Variants in GALNT10 observed in about 807,000 individuals in gnomAD.
GALNT10 encodes the protein polypeptide N-acetylgalactosaminyltransferase 10, also known as GalNAc transferase 10.
In GALNT10, 41 loss-of-function variants were observed where a neutral mutation model predicts 75.0. The observed-to-expected ratio is 0.55, with a 90% CI of 0.43 to 0.71. The LOEUF (loss-of-function observed/expected upper bound fraction) is 0.71, where lower values mean the gene tolerates loss of function less well. GALNT10 is among the 30% of genes least tolerant of loss of function. The pLI, the probability that GALNT10 is intolerant of heterozygous loss-of-function variation, is 0.00. For synonymous variants in GALNT10, 302 were observed against 313.0 expected, an observed-to-expected ratio of 0.96 and a Z score of 0.37; for missense variants, 727 against 818.5, an observed-to-expected ratio of 0.89 and a Z score of 1.36.
At chr5:154,214,669 C>T (rs1261501081) in intron 1 of GALNT10, among the ~76,000 whole-genome samples, 3 of 152,284 alleles carry the variant, frequency 2.0e-5, no homozygotes, top group East Asian at 1.9e-4. Flanking sequence ...TTCCCTGAAT[C>T]ATCTTGTGGT....
intron 1 of GALNT10, among the ~76,000 whole-genome samples, chr5:154,196,458 G>C (rs1774940586): frequency 2.0e-5 from 3 of 152,170 alleles, no homozygotes; most frequent in Admixed American, 2.0e-4. Flanking sequence ...TGTGACTGTA[G>C]TTGGCTTCAG....
At chr5:154,287,700 TA>T (rs1422788884) in intron 1 of GALNT10, among the ~76,000 whole-genome samples, 3 of 152,228 alleles carry the variant, frequency 2.0e-5, no homozygotes, top group Non-Finnish European at 4.4e-5. Context: ...TCTTTGGCCA[TA>T]GTAGGCCCTC....
At chr5:154,243,610 A>C (rs2113669509) in intron 1 of GALNT10, among the ~76,000 whole-genome samples, 1 of 152,368 alleles carries the variant, frequency 6.6e-6, no homozygotes, top group East Asian at 1.9e-4. Flanking sequence ...TCTCATCTAT[A>C]AAAGAGAAGC....
At chr5:154,279,678 T>A (rs1368041645) in intron 1 of GALNT10, among the ~76,000 whole-genome samples, 4 of 151,958 alleles carry the variant, frequency 2.6e-5, no homozygotes. Context: ...ACTCCTAGGC[T>A]CAAGCAATCC....
At chr5:154,236,995 CA>C (rs1432442566) in intron 1 of GALNT10, among the ~76,000 whole-genome samples, 2 of 152,126 alleles carry the variant, frequency 1.3e-5, no homozygotes, top group African/African-American at 4.8e-5. Context: ...AGCTAAATAC[CA>C]AAACCATTTT....
chr5:154,251,483 T>C (rs145011018), intron 1 of GALNT10, among the ~76,000 whole-genome samples: 1 of 152,312 alleles, frequency 6.6e-6, no homozygotes, highest in East Asian at 1.9e-4. Flanking sequence ...TTTTCTTTAC[T>C]TTTTGCAAAT....
chr5:154,223,952 G>A (rs1426506868), intron 1 of GALNT10, among the ~76,000 whole-genome samples: 1 of 151,904 alleles, frequency 6.6e-6, no homozygotes, highest in Admixed American at 6.6e-5. Context: ...AACAACAACA[G>A]CAGAACAATT....
chr5:154,319,400 G>T (rs1177782710), intron 3 of GALNT10, among the ~76,000 whole-genome samples: 1 of 152,150 alleles, frequency 6.6e-6, no homozygotes, highest in Non-Finnish European at 1.5e-5. Flanking sequence ...AGACTTTTGT[G>T]CTTAGCAATG....
intron 1 of GALNT10, among the ~76,000 whole-genome samples, chr5:154,261,400 G>A (rs532724415): frequency 6.6e-6 from 1 of 152,252 alleles, no homozygotes; most frequent in South Asian, 2.1e-4. Flanking sequence ...AGACCTCGGG[G>A]GTGTTACTCA....
At position 154,418,616 on chromosome 5, in the gene GALNT10, CTT is replaced by C. The variant is rs1386567210; in HGVS notation, c.*1646_*1647del. ...TCTGGGAACAGAGCCACGAATCTGCCTTTGAGATGCTGGCAGATCTCAAGGCC... is the reference window on the plus strand; with the variant it reads ...TCTGGGAACAGAGCCACGAATCTGCCTGAGATGCTGGCAGATCTCAAGGCC... On this transcript the variant is annotated 3_prime_UTR_variant, in exon 12 of 12. Transcript: ENST00000297107. 3.9e-5 allele frequency: 6 copies of C among 152,202 alleles called. No homozygotes were observed. The highest frequency in any genetic ancestry group is 1.4e-4 in the African/African-American group (6 of 41,446). The allele number at this position is 152,202 out of a possible 1,614,324, so 9.4% of individuals were successfully genotyped here.
chr5:154,267,484 T>G (rs1753796609), intron 1 of GALNT10, among the ~76,000 whole-genome samples: 2 of 152,238 alleles, frequency 1.3e-5, no homozygotes, highest in Admixed American at 1.3e-4. Flanking sequence ...AGAGGATGAT[T>G]GGAGTTCTTC....
intron 4 of GALNT10, among the ~76,000 whole-genome samples, chr5:154,347,419 AAT>A (rs1184007178): frequency 6.6e-6 from 1 of 151,668 alleles, no homozygotes; most frequent in Non-Finnish European, 1.5e-5. Flanking sequence ...GTTGAAGTGC[AAT>A]GATGCAACCA....
intron 1 of GALNT10, among the ~76,000 whole-genome samples, chr5:154,224,898 A>G (rs1319254961): frequency 6.7e-6 from 1 of 149,740 alleles, no homozygotes; most frequent in African/African-American, 2.5e-5. Context: ...CTCCTGCCTC[A>G]GCCTCCTGGG....
At chr5:154,411,515 T>G (rs1000974977) in intron 9 of GALNT10, among the ~76,000 whole-genome samples, 9 of 152,180 alleles carry the variant, frequency 5.9e-5, no homozygotes, top group Non-Finnish European at 1.2e-4. Flanking sequence ...TGAGGAGCAG[T>G]AGCCCCATGG....
At chr5:154,311,561 A>ACTGAGAC (rs974024703) in intron 3 of GALNT10, among the ~76,000 whole-genome samples, 1 of 151,654 alleles carries the variant, frequency 6.6e-6, no homozygotes, top group South Asian at 2.1e-4. Context: ...TCATACACAG[A>ACTGAGAC]CTGAGACCTG....
intron 3 of GALNT10, among the ~76,000 whole-genome samples, chr5:154,305,495 A>C (rs1754421192): frequency 6.6e-6 from 1 of 152,230 alleles, no homozygotes; most frequent in South Asian, 2.1e-4. Flanking sequence ...AGATACAAAT[A>C]AGTTAAATGT....
At chr5:154,220,873 T>A (rs979490217) in intron 1 of GALNT10, among the ~76,000 whole-genome samples, 2 of 152,176 alleles carry the variant, frequency 1.3e-5, no homozygotes, top group Non-Finnish European at 2.9e-5. Context: ...TGCTTGGGAA[T>A]GTGGGTCCAG....
At chr5:154,327,829 T>A (rs1025930935) in intron 3 of GALNT10, among the ~76,000 whole-genome samples, 1 of 152,138 alleles carries the variant, frequency 6.6e-6, no homozygotes. Context: ...GCATCGATTA[T>A]CACAAAAGGA....
chr5:154,319,055 G>A (rs770243750), intron 3 of GALNT10, among the ~76,000 whole-genome samples: 3 of 152,238 alleles, frequency 2.0e-5, no homozygotes, highest in African/African-American at 4.8e-5. Flanking sequence ...TTGAGGTTGT[G>A]TGCTGGAAGT....
Sources: gnomAD v4.1 joint callset for allele counts (sites outside exome capture counted in the v4.1 genomes callset) on GRCh38, gnomAD v4.1.1 for gene constraint, MANE v1.5 for transcripts, NCBI Gene and HGNC (gene_info 2026-07-23, HGNC 2026-07-21) for gene names.